The following RXFP1 variants were observed in gnomAD, a reference collection of about 807,000 sequenced individuals.
RXFP1 encodes relaxin family peptide receptor 1, also known as relaxin receptor 1.
RXFP1 carries 73 observed loss-of-function variants against 89.8 expected under a neutral mutation model. That is an observed-to-expected ratio of 0.81 (90% CI 0.67 to 0.99). The LOEUF (loss-of-function observed/expected upper bound fraction) is 0.99, where lower values mean the gene tolerates loss of function less well. Among genes scored for constraint, RXFP1 ranks in the 50% least tolerant of loss-of-function variants. The probability of loss-of-function intolerance (pLI) is 0.00; values close to 1 mark genes in which losing one functional copy is unlikely to be tolerated. For missense variants in RXFP1, 793 were observed against 895.5 expected (o/e 0.89, Z 1.46); for synonymous variants, 277 against 305.5 (o/e 0.91, Z 0.97).
chr4:158,596,169 T>C (rs1480989625), intron 3 of RXFP1, among the ~76,000 whole-genome samples: 2 of 151,894 alleles, frequency 1.3e-5, no homozygotes, highest in Non-Finnish European at 2.9e-5. Flanking sequence ...AGATATAATT[T>C]AACTGATAAT....
At chr4:158,524,147 T>C (rs1741872619) in intron 1 of RXFP1, among the ~76,000 whole-genome samples, 1 of 152,170 alleles carries the variant, frequency 6.6e-6, no homozygotes, top group African/African-American at 2.4e-5. Context: ...ACAACAACTC[T>C]ATTATGTGGA....
intron 4 of RXFP1, among the ~76,000 whole-genome samples, chr4:158,602,790 G>A (rs1037309406): frequency 3.3e-5 from 5 of 151,946 alleles, no homozygotes; most frequent in African/African-American, 1.2e-4. Context: ...GTCTCACTCT[G>A]TCGCCCAGGC....
chr4:158,636,987 C>A (rs1313848134), intron 12 of RXFP1, among the ~76,000 whole-genome samples: 1 of 152,156 alleles, frequency 6.6e-6, no homozygotes, highest in Non-Finnish European at 1.5e-5. Context: ...TAAATGAGAT[C>A]ATGTGGTAAT....
intron 1 of RXFP1, among the ~76,000 whole-genome samples, chr4:158,563,320 C>G (rs1579635065): frequency 6.6e-6 from 1 of 151,814 alleles, no homozygotes; most frequent in Non-Finnish European, 1.5e-5. Flanking sequence ...GGTCCCCACA[C>G]CTGTTAAAAG....
intron 4 of RXFP1, among the ~76,000 whole-genome samples, chr4:158,603,051 C>T (rs1216440049): frequency 6.6e-6 from 1 of 152,168 alleles, no homozygotes; most frequent in Non-Finnish European, 1.5e-5. Context: ...CTGCCTTAGC[C>T]TCCCAAGTAG....
At chr4:158,610,877 C>G (rs1460356371) in intron 6 of RXFP1, among the ~76,000 whole-genome samples, 1 of 152,132 alleles carries the variant, frequency 6.6e-6, no homozygotes, top group Non-Finnish European at 1.5e-5. Flanking sequence ...AAAGTCAAAC[C>G]CAGCAAGGGA....
At chr4:158,547,520 T>C (rs1347279721) in intron 1 of RXFP1, among the ~76,000 whole-genome samples, 1 of 152,216 alleles carries the variant, frequency 6.6e-6, no homozygotes, top group Non-Finnish European at 1.5e-5. Context: ...CTTGCTTTTC[T>C]AGTTATTTTA....
At chr4:158,609,160 A>G (rs1763088409) in intron 6 of RXFP1, among the ~76,000 whole-genome samples, 1 of 152,204 alleles carries the variant, frequency 6.6e-6, no homozygotes, top group Admixed American at 6.5e-5. Flanking sequence ...ATATACCAAG[A>G]ATTGGAATTG....
At chr4:158,644,428 C>CA (rs1771104186) in intron 14 of RXFP1, among the ~76,000 whole-genome samples, 2 of 150,948 alleles carry the variant, frequency 1.3e-5, no homozygotes, top group African/African-American at 4.9e-5. Flanking sequence ...TTTTTCTTTT[C>CA]TTTTTTTTTC....
At chr4:158,627,004 G>A in intron 10 of RXFP1, 113 bp downstream of exon 10, 1 of 490,254 alleles carries the variant, frequency 2.0e-6, no homozygotes, top group Admixed American at 4.2e-5. Flanking sequence ...TCTGTTGTTG[G>A]ATCTCAGTTT....
At position 158,542,109 on chromosome 4, in the gene RXFP1, A is replaced by ATATATT; in HGVS notation, c.49+20085_49+20086insATATTT. Among the ~76,000 whole-genome samples the ATATATT allele has an allele frequency of 4.5e-4, 16 of 35,240 alleles. 1 individual carries two copies. The highest frequency in any genetic ancestry group is 1.3e-3 in the African/African-American group (14 of 10,784). 23.1% of individuals were successfully genotyped at this position (35,240 alleles called of 152,430 possible). On this transcript the variant is annotated intron_variant, in intron 1 of 17. Coordinates refer to ENST00000307765, the MANE Select transcript of RXFP1 (RefSeq NM_021634.4). Reference sequence around the variant, plus strand: ...TATATATATATATATATATATATATATTTTTTTTTTAGTAGAGACAGGGTT... The same window carrying ATATATT: ...TATATATATATATATATATATATATATATATTTTTTTTTTTTAGTAGAGACAGGGTT...
chr4:158,522,707 A>T (rs2149761013), intron 1 of RXFP1, among the ~76,000 whole-genome samples: 1 of 152,322 alleles, frequency 6.6e-6, no homozygotes, highest in East Asian at 1.9e-4. Context: ...GAATTATAGT[A>T]TGTAGACAGA....
At chr4:158,522,241 G>A (rs781113657) in intron 1 of RXFP1, among the ~76,000 whole-genome samples, 3 of 152,162 alleles carry the variant, frequency 2.0e-5, no homozygotes, top group Non-Finnish European at 4.4e-5. Context: ...CGAGACTGAT[G>A]TGCCGTGTAA....
chr4:158,626,630 GAA>G (rs908011604), intron 9 of RXFP1, among the ~76,000 whole-genome samples, 188 bp from the exon 10 acceptor site: 27 of 151,666 alleles, frequency 1.8e-4, no homozygotes, highest in African/African-American at 4.8e-4. Flanking sequence ...CTTTAACATA[GAA>G]AAAAGTGTAT....
Position 158,645,036 on chromosome 4 carries a change from G to C in RXFP1, c.1243G>C (p.Val415Leu). 11 of 1,614,174 alleles carry C rather than the reference G, an allele frequency of 6.8e-6. No homozygotes were observed. The South Asian group carries it at 1.1e-4, about 16-fold the overall frequency. The part of the protein sequence containing the change: ...SIIQRVFVWV[V>L]SAVTCFGNIF... ...TATTCAGAGAGTATTTGTCTGGGTT[G>C]TATCTGCAGTTACCTGCTTTGGAAA... Residue 415 changes from valine to leucine, a missense_variant, in exon 15 of 18, where the codon GTA becomes CTA. Val to Leu is a conservative substitution (Grantham distance 32). Transcript: ENST00000307765.
intron 3 of RXFP1, among the ~76,000 whole-genome samples, chr4:158,597,516 C>T (rs77192370): frequency 0.015 from 2,307 of 152,156 alleles, 26 homozygotes; most frequent in Non-Finnish European, 0.023. Context: ...ATTAGCATTT[C>T]GGCATAATCA....
At chr4:158,600,828 A>AAC (rs201687823) in intron 4 of RXFP1, among the ~76,000 whole-genome samples, 2 of 130,382 alleles carry the variant, frequency 1.5e-5, no homozygotes, top group African/African-American at 7.8e-5. Context: ...CCCTGCCTCA[A>AAC]AAAAAAAAAA....
intron 1 of RXFP1, among the ~76,000 whole-genome samples, chr4:158,555,215 T>C (rs1751019664): frequency 6.6e-6 from 1 of 152,170 alleles, no homozygotes; most frequent in African/African-American, 2.4e-5. Flanking sequence ...TGCATTTCTG[T>C]CAAAAATCTG....
intron 5 of RXFP1, among the ~76,000 whole-genome samples, chr4:158,606,727 G>A (rs1020850344): frequency 6.6e-6 from 1 of 150,908 alleles, no homozygotes; most frequent in Non-Finnish European, 1.5e-5. Context: ...AGGACTACAG[G>A]CATGTGCCAC....
Sources: allele counts gnomAD v4.1 joint callset (sites outside exome capture counted in the v4.1 genomes callset), GRCh38; gene constraint gnomAD v4.1.1; transcripts MANE v1.5; gene names NCBI Gene and HGNC (gene_info 2026-07-23, HGNC 2026-07-21).